Variants in FAM117A observed in about 807,000 individuals in gnomAD.
The protein encoded by FAM117A is protein FAM117A.
In FAM117A, 21 loss-of-function variants were observed where a neutral mutation model predicts 44.1. The ratio of observed to expected loss-of-function variants is 0.48; its 90% CI spans 0.34 to 0.69. FAM117A has a LOEUF of 0.69. Among genes scored for constraint, FAM117A ranks in the 30% least tolerant of loss-of-function variants. FAM117A has a pLI of 0.01. For synonymous variants in FAM117A, 220 were observed against 238.3 expected (o/e 0.92, Z 0.71); for missense variants, 498 against 589.9 (o/e 0.84, Z 1.61).
intron 3 of FAM117A, among the ~76,000 whole-genome samples, chr17:49,721,214 T>C (rs1020379336): frequency 1.3e-5 from 2 of 152,216 alleles, no homozygotes; most frequent in South Asian, 2.1e-4. Context: ...ATCCTGAGAC[T>C]ACTACAGATT....
intron 1 of FAM117A, among the ~76,000 whole-genome samples, chr17:49,752,105 T>G (rs1328582456): frequency 6.6e-6 from 1 of 151,836 alleles, no homozygotes; most frequent in Admixed American, 6.6e-5. Context: ...AAAAAAAAAA[T>G]TCTATACAGA....
At chr17:49,745,625 A>T (rs2073651807) in intron 1 of FAM117A, among the ~76,000 whole-genome samples, 2 of 152,202 alleles carry the variant, frequency 1.3e-5, no homozygotes. Context: ...ACCTGAATCT[A>T]ATCAGGCCCC....
chr17:49,780,415 C>T (rs2073786426), intron 1 of FAM117A, among the ~76,000 whole-genome samples: 3 of 152,166 alleles, frequency 2.0e-5, no homozygotes, highest in Admixed American at 2.0e-4. Flanking sequence ...ATGGCCCCTC[C>T]ACACATGCTG....
upstream of FAM117A, among the ~76,000 whole-genome samples, chr17:49,765,151 T>C (rs2073741562): frequency 6.6e-6 from 1 of 152,218 alleles, no homozygotes; most frequent in African/African-American, 2.4e-5. Context: ...TAAGATACTA[T>C]TAAAAAGTAT....
At chr17:49,732,429 A>C in intron 2 of FAM117A, 122 bp downstream of exon 2, 1 of 881,024 alleles carries the variant, frequency 1.1e-6, no homozygotes, top group Non-Finnish European at 1.7e-6. Flanking sequence ...TTACATGGAT[A>C]ATATGTACGA....
chr17:49,753,016 C>T (rs1250563098), intron 1 of FAM117A, among the ~76,000 whole-genome samples: 1 of 152,034 alleles, frequency 6.6e-6, no homozygotes, highest in Non-Finnish European at 1.5e-5. Context: ...GAAGGTGTCA[C>T]CACACCCTGC....
chr17:49,783,921 A>G (rs1234220141), intron 1 of FAM117A, among the ~76,000 whole-genome samples: 1 of 152,164 alleles, frequency 6.6e-6, no homozygotes, highest in Non-Finnish European at 1.5e-5. Context: ...TAGAGGAGAG[A>G]GCATGGCTGG....
intron 2 of FAM117A, among the ~76,000 whole-genome samples, chr17:49,725,441 G>A (rs1298626801): frequency 1.3e-5 from 2 of 152,238 alleles, no homozygotes; most frequent in Admixed American, 1.3e-4. Flanking sequence ...ACAGTGATAA[G>A]TGCCAAGGAG....
At chr17:49,717,750 A>T in intron 5 of FAM117A, 36 bp from the exon 6 acceptor site, 1 of 1,538,174 alleles carries the variant, frequency 6.5e-7, no homozygotes, top group East Asian at 2.3e-5. Flanking sequence ...GTCAGCCCTG[A>T]GTATTTCAGG....
Position 49,720,377 on chromosome 17 carries a change from C to T in FAM117A, c.522G>A (p.Lys174=). 6.2e-7 allele frequency: 1 copy of T among 1,613,930 alleles called. No individual in the cohort carries two copies. The highest frequency in any genetic ancestry group is 8.5e-7 in the Non-Finnish European group (1 of 1,180,020). ...RTKLSRSGKE[K]ERGSPLLGDH... is the part of the protein sequence containing the mutation. ...CCCCTAGGAGTGGTGAACCTCGCTC[C>T]TTCTCTTTCCCACTGCGGCTCAGCT... Residue 174 remains lysine (K), a synonymous_variant, in exon 4 of 8, where the codon AAG becomes AAA. Coordinates refer to ENST00000240364, the MANE Select transcript of FAM117A (RefSeq NM_030802.4).
chr17:49,771,425 C>T (rs1355007642), intron 1 of FAM117A, among the ~76,000 whole-genome samples: 1 of 151,922 alleles, frequency 6.6e-6, no homozygotes, highest in African/African-American at 2.4e-5. Flanking sequence ...TAAAGAGTTA[C>T]TGTGACAGAC....
At position 49,761,675 on chromosome 17, in the gene FAM117A, C is replaced by T. The variant is rs2073722932; in HGVS notation, c.196+2217G>A. 2.0e-5 allele frequency among the ~76,000 whole-genome samples: 3 copies of T among 152,262 alleles called. No homozygotes were observed. In the South Asian group the frequency reaches 6.2e-4, roughly 32 times the overall value. ...AAGGGGTTTCCTTTTATCCCATATA[C>T]TCTACTGTCCTAGAAAAAACCACCT... On this transcript the variant is annotated intron_variant, in intron 1 of 7. Coordinates refer to ENST00000240364, the MANE Select transcript of FAM117A (RefSeq NM_030802.4).
At chr17:49,766,036 T>G (rs2073744839), upstream of FAM117A, among the ~76,000 whole-genome samples, 1 of 152,154 alleles carries the variant, frequency 6.6e-6, no homozygotes, top group Non-Finnish European at 1.5e-5. Flanking sequence ...GCAACGAATA[T>G]TCATTGAATT....
chr17:49,755,893 A>C (rs1425831433), intron 1 of FAM117A, among the ~76,000 whole-genome samples: 1 of 152,162 alleles, frequency 6.6e-6, no homozygotes, highest in Non-Finnish European at 1.5e-5. Flanking sequence ...TTTATTGAGC[A>C]TGACACTCCC....
At chr17:49,711,904 G>A (rs1158280199) in intron 7 of FAM117A, among the ~76,000 whole-genome samples, 1 of 152,226 alleles carries the variant, frequency 6.6e-6, no homozygotes, top group Non-Finnish European at 1.5e-5. Flanking sequence ...CAGCACTTTG[G>A]AAGGCCAAGG....
chr17:49,722,233 A>G (rs1226516091), intron 3 of FAM117A, among the ~76,000 whole-genome samples: 3 of 152,144 alleles, frequency 2.0e-5, no homozygotes, highest in Admixed American at 6.6e-5. Flanking sequence ...CCAAAGAACA[A>G]TGGTGGCTCC....
chr17:49,711,200 G>T lies in FAM117A; in HGVS notation c.*55C>A. ...ACCCCATCTCAGGGGACCTGGGGAGGGACCTGCCACCAAGGCACTGGTCTC... is the reference window on the plus strand; with the variant it reads ...ACCCCATCTCAGGGGACCTGGGGAGTGACCTGCCACCAAGGCACTGGTCTC... On this transcript the variant is annotated 3_prime_UTR_variant, in exon 8 of 8. Coordinates refer to ENST00000240364, the MANE Select transcript of FAM117A (RefSeq NM_030802.4). 6.6e-7 allele frequency: 1 copy of T among 1,506,086 alleles called. No individual in the cohort carries two copies. The allele number at this position is 1,506,086 out of a possible 1,614,324, so 93.3% of individuals were successfully genotyped here.
Position 49,754,809 on chromosome 17 carries a change from C to T in FAM117A, c.196+9083G>A, listed in dbSNP as rs1015492941. Among the ~76,000 whole-genome samples the T allele has an allele frequency of 4.1e-4, 62 of 151,776 alleles. 1 individual carries two copies. Among genetic ancestry groups the T allele is most frequent in the Admixed American group, 1.2e-3 (19 of 15,250 alleles). On this transcript the variant is annotated intron_variant, in intron 1 of 7. Coordinates refer to ENST00000240364, the MANE Select transcript of FAM117A (RefSeq NM_030802.4). Reference sequence around the variant, plus strand: ...ATCCCAGCCCTTTGGGAGGCCAAGGCGGGTGGATTACCTGAGGTCGGGAGT... The same window carrying T: ...ATCCCAGCCCTTTGGGAGGCCAAGGTGGGTGGATTACCTGAGGTCGGGAGT...
rs1044647471 is a variant in FAM117A, at chr17:49,732,668, T to A, written c.249A>T (p.Pro83=). The change falls in exon 2 of 8, where the codon CCA becomes CCT. Residue 83 remains proline, a synonymous_variant. Transcript: ENST00000240364. ...GGGAGAATGTACGCCGGACCTGAAG[T>A]GGCTGAGGCCTACACACTGACTTTT... is the stretch of plus-strand genomic sequence containing the variant. ...APEKSVCRPQ[P]LQVRRTFSLD... is the part of the protein sequence containing the mutation. The A allele has an allele frequency of 1.4e-5, 23 of 1,613,934 alleles. No individual in the cohort carries two copies. The Admixed American group carries it at 3.7e-4, about 26-fold the overall frequency.
Sources: allele counts gnomAD v4.1 joint callset (sites outside exome capture counted in the v4.1 genomes callset), GRCh38; gene constraint gnomAD v4.1.1; transcripts MANE v1.5; gene names NCBI Gene and HGNC (gene_info 2026-07-23, HGNC 2026-07-21).